The following FRK variants were observed in gnomAD, a reference collection of about 807,000 sequenced individuals.
FRK encodes fyn related Src family tyrosine kinase, also known as tyrosine-protein kinase FRK.
FRK carries 51 observed loss-of-function variants against 56.4 expected under a neutral mutation model. The ratio of observed to expected loss-of-function variants is 0.90; its 90% CI spans 0.72 to 1.14. The LOEUF (loss-of-function observed/expected upper bound fraction) is 1.14, where lower values mean the gene tolerates loss of function less well. Ranked by LOEUF, FRK falls within the 50% of genes most tolerant of loss-of-function variation. FRK has a pLI of 0.00. For synonymous variants in FRK, 245 were observed against 217.9 expected (o/e 1.12, Z -1.10); for missense variants, 570 against 601.4 (o/e 0.95, Z 0.55).
At position 115,973,596 on chromosome 6, in the gene FRK, A is replaced by G. The variant is rs556319372; in HGVS notation, c.467-4857T>C. Among the ~76,000 whole-genome samples, 41 of 152,320 alleles carry G rather than the reference A, an allele frequency of 2.7e-4. No individual in the cohort carries two copies. The East Asian group carries it at 6.0e-3, about 22-fold the overall frequency. On this transcript the variant is annotated intron_variant, in intron 2 of 7. Transcript: ENST00000606080. ...AAAAAAAGCCAACAAAGGGCTGGGC[A>G]TGGTGGCTCATGCCTGTAATCCCAG...
chr6:115,951,846 G>T (rs1241783348), intron 5 of FRK, among the ~76,000 whole-genome samples: 1 of 152,000 alleles, frequency 6.6e-6, no homozygotes. Context: ...ACCAACAGAG[G>T]TCAAAACTGA....
chr6:116,074,097 A>C, the FRK span, among the ~76,000 whole-genome samples: 7 of 152,340 alleles, frequency 4.6e-5, no homozygotes, highest in South Asian at 1.4e-3. Context: ...CACTTAGAAA[A>C]GATTAAGAAA....
chr6:116,068,876 G>C, the FRK span, among the ~76,000 whole-genome samples: 1 of 151,230 alleles, frequency 6.6e-6, no homozygotes, highest in Non-Finnish European at 1.5e-5. Flanking sequence ...TTCATTCTTT[G>C]GCACTGTCAA....
chr6:116,006,564 A>G (rs1775255986), intron 1 of FRK, among the ~76,000 whole-genome samples: 1 of 152,236 alleles, frequency 6.6e-6, no homozygotes. Context: ...AACATCCACT[A>G]AAGAATCCTG....
intron 4 of FRK, among the ~76,000 whole-genome samples, chr6:115,966,236 C>G (rs1249239769): frequency 2.6e-5 from 4 of 152,096 alleles, no homozygotes; most frequent in Non-Finnish European, 5.9e-5. Context: ...CACAATTTCT[C>G]CAATCTTAGA....
chr6:116,031,787 T>C (rs1776312637), intron 1 of FRK, among the ~76,000 whole-genome samples: 1 of 152,148 alleles, frequency 6.6e-6, no homozygotes, highest in Admixed American at 6.6e-5. Flanking sequence ...ATACACCATG[T>C]CTTGGTTATC....
rs555527187 is a variant in FRK at position 115,938,571 on chromosome 6, C to T, written c.*3843G>A. 2.4e-4 allele frequency: 37 copies of T among 151,840 alleles called. No individual in the cohort carries two copies. Among genetic ancestry groups the T allele is most frequent in the Non-Finnish European group, 5.0e-4 (34 of 67,844 alleles). 9.4% of individuals were successfully genotyped at this position (151,840 alleles called of 1,614,324 possible). Reference sequence around the variant, plus strand: ...TTGAAAAGATCAACAAAATAGAATGCTAGCCAGACTAATAAAGAAGAAAAG... The same window carrying T: ...TTGAAAAGATCAACAAAATAGAATGTTAGCCAGACTAATAAAGAAGAAAAG... On this transcript the variant is annotated 3_prime_UTR_variant, in exon 8 of 8. Coordinates refer to ENST00000606080, the MANE Select transcript of FRK (RefSeq NM_002031.3).
intron 2 of FRK, among the ~76,000 whole-genome samples, chr6:115,986,517 T>C (rs947165139): frequency 6.6e-6 from 1 of 152,170 alleles, no homozygotes; most frequent in Non-Finnish European, 1.5e-5. Context: ...CAACAGATCC[T>C]GTTTTAGAGC....
At chr6:116,014,653 T>C (rs1257474527) in intron 1 of FRK, among the ~76,000 whole-genome samples, 1 of 152,126 alleles carries the variant, frequency 6.6e-6, no homozygotes, top group African/African-American at 2.4e-5. Flanking sequence ...TTTGGTAAAT[T>C]TGAAAACTAC....
chr6:115,982,655 G>C (rs980043125), intron 2 of FRK, among the ~76,000 whole-genome samples: 3 of 152,050 alleles, frequency 2.0e-5, no homozygotes, highest in African/African-American at 7.2e-5. Flanking sequence ...GAACAACTGT[G>C]AATTACTCAG....
intron 5 of FRK, among the ~76,000 whole-genome samples, chr6:115,946,284 C>CT (rs35005981): frequency 0.052 from 7,881 of 152,132 alleles, 256 homozygotes; most frequent in Non-Finnish European, 0.068. Context: ...AAGGATATGC[C>CT]TGATATTTCT....
intron 1 of FRK, among the ~76,000 whole-genome samples, chr6:116,030,654 G>A (rs1464396604): frequency 6.6e-6 from 1 of 152,142 alleles, no homozygotes; most frequent in Non-Finnish European, 1.5e-5. Context: ...CATTTGGGGA[G>A]GGTGTGGAAA....
the FRK span, among the ~76,000 whole-genome samples, chr6:116,075,237 T>C: frequency 1.3e-5 from 2 of 152,246 alleles, no homozygotes; most frequent in African/African-American, 2.4e-5. Flanking sequence ...ACTTTCTATT[T>C]ATGTGACTGT....
chr6:116,016,572 T>C (rs894501140), intron 1 of FRK, among the ~76,000 whole-genome samples: 1 of 152,104 alleles, frequency 6.6e-6, no homozygotes, highest in Non-Finnish European at 1.5e-5. Flanking sequence ...TGTGTGTGTG[T>C]GTAGCTGCAG....
upstream of FRK, among the ~76,000 whole-genome samples, chr6:116,062,781 C>T (rs1351861186): frequency 6.6e-6 from 1 of 152,174 alleles, no homozygotes; most frequent in Non-Finnish European, 1.5e-5. Flanking sequence ...CCAGAATTCT[C>T]CAGTCACTCA....
At chr6:115,986,449 T>C (rs1774397687) in intron 2 of FRK, among the ~76,000 whole-genome samples, 1 of 152,098 alleles carries the variant, frequency 6.6e-6, no homozygotes, top group African/African-American at 2.4e-5. Context: ...GTAAAAGTGA[T>C]TAATACAGGA....
At chr6:116,036,250 A>T (rs574780310) in intron 1 of FRK, among the ~76,000 whole-genome samples, 2 of 152,230 alleles carry the variant, frequency 1.3e-5, no homozygotes, top group East Asian at 3.9e-4. Flanking sequence ...AGTTCCCTCC[A>T]CCTCCATCTT....
rs1372342300 is a variant in FRK, at chr6:116,059,956, T to G, written c.344+12A>C. Reference sequence around the variant, plus strand: ...AGAGTTCAGAAATTAAGTATAAGTTTGTACTACTCACGGCTCTGCCTGTAG... The same window carrying G: ...AGAGTTCAGAAATTAAGTATAAGTTGGTACTACTCACGGCTCTGCCTGTAG... On this transcript the variant is annotated intron_variant, in intron 1 of 7. Transcript: ENST00000606080. The G allele has an allele frequency of 6.2e-7, 1 of 1,603,936 alleles. No individual in the cohort carries two copies. Among genetic ancestry groups the G allele is most frequent in the Admixed American group, 1.7e-5 (1 of 59,562 alleles).
At chr6:116,078,229 C>T in the FRK span, among the ~76,000 whole-genome samples, 2 of 152,076 alleles carry the variant, frequency 1.3e-5, no homozygotes, top group Non-Finnish European at 2.9e-5. Context: ...GAGTAGTGTC[C>T]CAACTTCTGG....
Sources: allele counts gnomAD v4.1 joint callset (sites outside exome capture counted in the v4.1 genomes callset), GRCh38; gene constraint gnomAD v4.1.1; transcripts MANE v1.5; gene names NCBI Gene and HGNC (gene_info 2026-07-23, HGNC 2026-07-21).